ANKRD10: variants seen among roughly 807,000 people sequenced by gnomAD.
ANKRD10 encodes the protein ankyrin repeat domain-containing protein 10.
Under a neutral mutation model 27.0 loss-of-function variants are expected in ANKRD10, and 14 were observed. The observed-to-expected ratio is 0.52, with a 90% CI of 0.34 to 0.81. The LOEUF (loss-of-function observed/expected upper bound fraction) is 0.81. Ranked by LOEUF, ANKRD10 falls within the 40% of genes least tolerant of loss-of-function variation. The probability of loss-of-function intolerance (pLI) is 0.01; values close to 1 mark genes in which losing one functional copy is unlikely to be tolerated. For missense variants in ANKRD10, 493 were observed against 544.0 expected, an observed-to-expected ratio of 0.91 and a Z score of 0.93; for synonymous variants, 250 against 224.5, an observed-to-expected ratio of 1.11 and a Z score of -1.01.
intron 3 of ANKRD10, among the ~76,000 whole-genome samples, chr13:110,893,676 A>C (rs989263618): frequency 1.3e-5 from 2 of 152,230 alleles, no homozygotes; most frequent in Non-Finnish European, 2.9e-5. Context: ...CATGGCATTC[A>C]TAACTGTCTT....
At chr13:110,899,964 C>T (rs527827969) in intron 3 of ANKRD10, among the ~76,000 whole-genome samples, 3 of 152,208 alleles carry the variant, frequency 2.0e-5, no homozygotes, top group East Asian at 3.9e-4. Flanking sequence ...ATAATCCTGG[C>T]GCTTTGGGAG....
intron 3 of ANKRD10, chr13:110,894,249 G>A (rs556442927): frequency 1.8e-5 from 24 of 1,321,900 alleles, no homozygotes; most frequent in South Asian, 4.7e-5. Context: ...ATAAACAAAC[G>A]GGAGAAGTAC....
chr13:110,914,947 G>T lies in ANKRD10; in HGVS notation c.-13C>A. ...CCGCCGCCGACATGGTCCGTCACCG[G>T]AGAGCGCGGGGCTCGCTGGCCTAGA... is the stretch of plus-strand genomic sequence containing the variant. On this transcript the variant is annotated 5_prime_UTR_variant, in exon 1 of 6. Coordinates refer to ENST00000267339, the MANE Select transcript of ANKRD10 (RefSeq NM_017664.4). 1 of 1,528,846 alleles carries T rather than the reference G, an allele frequency of 6.5e-7. No individual in the cohort carries two copies. 94.7% of individuals were successfully genotyped at this position (1,528,846 alleles called of 1,614,324 possible). A position where few individuals can be genotyped will look rare whatever the true frequency, so the allele number is the denominator to read the frequency against.
chr13:110,901,154 T>G (rs951690621), intron 3 of ANKRD10, among the ~76,000 whole-genome samples: 1 of 152,228 alleles, frequency 6.6e-6, no homozygotes, highest in African/African-American at 2.4e-5. Flanking sequence ...TTTGTAAAGA[T>G]AAAACATTAG....
Position 110,903,876 on chromosome 13 carries a change from T to TA in ANKRD10, c.455+2156dup, listed in dbSNP as rs998460118. 5.3e-5 allele frequency among the ~76,000 whole-genome samples: 8 copies of TA among 152,022 alleles called. No individual in the cohort carries two copies. In the East Asian group the frequency reaches 5.8e-4, roughly 11 times the overall value. Reference sequence around the variant, plus strand: ...TTAATTCTATGCTCCTTGAACGTCTTAAAAAAAAGAAACGGTTATGATTTG... The same window carrying TA: ...TTAATTCTATGCTCCTTGAACGTCTTAAAAAAAAAGAAACGGTTATGATTTG... On this transcript the variant is annotated intron_variant, in intron 3 of 5. Coordinates refer to ENST00000267339, the MANE Select transcript of ANKRD10 (RefSeq NM_017664.4).
rs543299824 is a variant in ANKRD10 at position 110,896,555 on chromosome 13, T to C, written c.456-3292A>G. Among the ~76,000 whole-genome samples, 14 of 152,346 alleles carry C rather than the reference T, an allele frequency of 9.2e-5. No individual in the cohort carries two copies. In the South Asian group the frequency reaches 2.9e-3, roughly 32 times the overall value. On this transcript the variant is annotated intron_variant, in intron 3 of 5. Transcript: ENST00000267339. ...TCTTGCAAGTGGTCACTCAACTGTG[T>C]AGTGCACATTATAGAAATTGGCCTG...
chr13:110,880,204 AT>A, intron 5 of ANKRD10, 92 bp from the exon 6 acceptor site: 1 of 1,119,720 alleles, frequency 8.9e-7, no homozygotes, highest in Non-Finnish European at 1.2e-6. Flanking sequence ...ATTTTAAAGA[AT>A]TTTAGTTTCT....
rs779740572 is a variant in ANKRD10 at position 110,894,116 on chromosome 13, C to T, written c.456-853G>A. On this transcript the variant is annotated intron_variant, in intron 3 of 5. Transcript: ENST00000267339. The stretch of plus-strand genomic sequence containing the variant: ...TAAGTTGAACTTGTAAACCTTTAGA[C>T]ACTGAATTAAAACTGAGGGATCAAA... 1.0e-5 allele frequency: 16 copies of T among 1,605,358 alleles called. No homozygotes were observed. In the East Asian group the frequency reaches 3.3e-4, roughly 34 times the overall value.
At chr13:110,904,031 C>G (rs1217529129) in intron 3 of ANKRD10, 1 of 152,146 alleles carries the variant, frequency 6.6e-6, no homozygotes, top group Admixed American at 6.5e-5. Flanking sequence ...GTGCAGAAAT[C>G]AAGAAGCAAC....
At chr13:110,882,330 C>T (rs2064835953) in intron 5 of ANKRD10, among the ~76,000 whole-genome samples, 1 of 152,228 alleles carries the variant, frequency 6.6e-6, no homozygotes, top group South Asian at 2.1e-4. Flanking sequence ...GAAGGCAGCT[C>T]CCTCAAGCTT....
At chr13:110,913,979 A>C (rs1466511567) in intron 1 of ANKRD10, among the ~76,000 whole-genome samples, 1 of 152,242 alleles carries the variant, frequency 6.6e-6, no homozygotes, top group Non-Finnish European at 1.5e-5. Flanking sequence ...GGGGAACGTA[A>C]AGCCTCCACG....
intron 3 of ANKRD10, chr13:110,903,662 T>C (rs762107096): frequency 6.5e-6 from 1 of 152,688 alleles, no homozygotes; most frequent in Non-Finnish European, 1.5e-5. Context: ...GGGCACTTTA[T>C]GTAGCAGATA....
At chr13:110,889,259 T>C (rs927777799) in intron 4 of ANKRD10, among the ~76,000 whole-genome samples, 187 of 152,042 alleles carry the variant, frequency 1.2e-3, no homozygotes, top group African/African-American at 4.4e-3. Flanking sequence ...GAGCAAATGA[T>C]TGATAAAAAC....
chr13:110,892,416 CAAAAAAAA>C (rs71127979), intron 4 of ANKRD10, among the ~76,000 whole-genome samples: 10 of 19,554 alleles, frequency 5.1e-4, no homozygotes, highest in African/African-American at 1.2e-3. Flanking sequence ...GGTGACAGAG[CAAAAAAAA>C]AAAAAAAAAA....
At chr13:110,907,460 C>T (rs1003638178) in intron 2 of ANKRD10, among the ~76,000 whole-genome samples, 2 of 152,116 alleles carry the variant, frequency 1.3e-5, no homozygotes, top group Admixed American at 6.5e-5. Context: ...AGCTAAGCTC[C>T]TTCACCAACT....
At chr13:110,897,716 T>C (rs1020314771) in intron 3 of ANKRD10, among the ~76,000 whole-genome samples, 5 of 152,214 alleles carry the variant, frequency 3.3e-5, no homozygotes, top group African/African-American at 1.2e-4. Flanking sequence ...ATATACCCAG[T>C]AGTGGGACTG....
intron 4 of ANKRD10, among the ~76,000 whole-genome samples, chr13:110,892,416 C>CAAAAAAA (rs71127979): frequency 0.036 from 698 of 19,498 alleles, 165 homozygotes; most frequent in South Asian, 0.13. Flanking sequence ...GGTGACAGAG[C>CAAAAAAA]AAAAAAAAAA....
In ANKRD10 at chr13:110,910,786, G is replaced by A. The variant is rs528628084; in HGVS notation, c.211-16C>T. On this transcript the variant is annotated splice_polypyrimidine_tract_variant and intron_variant, in intron 1 of 5. Transcript: ENST00000267339. ...AGCACTCCAACTTCGAAAACAAGAGGGGTAATGAAAACACGCAGACATGTC... is the reference window on the plus strand; with the variant it reads ...AGCACTCCAACTTCGAAAACAAGAGAGGTAATGAAAACACGCAGACATGTC... 3.7e-6 allele frequency: 6 copies of A among 1,609,946 alleles called. No homozygotes were observed. In the African/African-American group the frequency reaches 6.7e-5, roughly 18 times the overall value.
intron 3 of ANKRD10, among the ~76,000 whole-genome samples, chr13:110,903,771 T>G (rs546688995): frequency 6.6e-6 from 1 of 152,122 alleles, no homozygotes; most frequent in Non-Finnish European, 1.5e-5. Context: ...ATTTATATTA[T>G]CTCCTAAATA....
Sources: allele counts gnomAD v4.1 joint callset (sites outside exome capture counted in the v4.1 genomes callset), GRCh38; gene constraint gnomAD v4.1.1; transcripts MANE v1.5; gene names NCBI Gene and HGNC (gene_info 2026-07-23, HGNC 2026-07-21).